ZNF141: variants seen among roughly 807,000 people sequenced by gnomAD.
ZNF141 encodes zinc finger protein 141 (clone pHZ-44).
In ZNF141, 7 loss-of-function variants were observed where a neutral mutation model predicts 11.3. That is an observed-to-expected ratio of 0.62 (90% confidence interval 0.35 to 1.16). The LOEUF (loss-of-function observed/expected upper bound fraction) is 1.16. Among genes scored for constraint, ZNF141 ranks in the 50% most tolerant of loss-of-function variants. ZNF141 has a pLI of 0.02. For synonymous variants in ZNF141, 183 were observed against 190.7 expected (o/e 0.96, Z 0.33); for missense variants, 535 against 554.0 (o/e 0.97, Z 0.34).
intron 3 of ZNF141, among the ~76,000 whole-genome samples, chr4:370,755 A>C (rs1406067809): frequency 5.3e-5 from 8 of 151,852 alleles, no homozygotes; most frequent in African/African-American, 1.9e-4. Context: ...TTTGAAATGA[A>C]AGTCTTGCTC....
intron 3 of ZNF141, among the ~76,000 whole-genome samples, chr4:350,588 C>A (rs782481703): frequency 6.6e-6 from 1 of 152,268 alleles, no homozygotes; most frequent in South Asian, 2.1e-4. Flanking sequence ...TGTCCCCATT[C>A]AAATCTCATG....
chr4:368,762 T>C (rs990939910), intron 3 of ZNF141, among the ~76,000 whole-genome samples: 1 of 152,228 alleles, frequency 6.6e-6, no homozygotes, highest in Non-Finnish European at 1.5e-5. Flanking sequence ...CCAAATTGCT[T>C]TAATTCTTTA....
In ZNF141 at chr4:374,453, C is replaced by A. The variant is rs1049858554; in HGVS notation, c.*591C>A. 5.8e-6 allele frequency: 2 copies of A among 345,316 alleles called. No individual in the cohort carries two copies. Among genetic ancestry groups the A allele is most frequent in the African/African-American group, 4.2e-5 (2 of 47,110 alleles). The allele number at this position is 345,316 out of a possible 1,614,324, so 21.4% of individuals were successfully genotyped here. A position where few individuals can be genotyped will look rare whatever the true frequency, so the allele number is the denominator to read the frequency against. On this transcript the variant is annotated 3_prime_UTR_variant, in exon 4 of 4. Transcript: ENST00000240499. ...AGAGAATTTATACCAGAGAGAAACC[C>A]TACACATGTAAAGAATGTGGCAAAG...
At chr4:366,403 G>A (rs183970627) in intron 3 of ZNF141, among the ~76,000 whole-genome samples, 16 of 152,280 alleles carry the variant, frequency 1.1e-4, no homozygotes, top group Admixed American at 6.5e-4. Flanking sequence ...CTGCCTCCTG[G>A]GTTCAAATGA....
At chr4:362,468 A>AAG (rs1164088359) in intron 3 of ZNF141, among the ~76,000 whole-genome samples, 5 of 152,100 alleles carry the variant, frequency 3.3e-5, no homozygotes, top group Admixed American at 3.3e-4. Flanking sequence ...CTGTGTCCTA[A>AAG]ATGGTATTGC....
Position 337,996 on chromosome 4 carries a change from C to G in ZNF141, c.3+10C>G. ...CAGAAGTGGGGAAATGGTGAGTGTG[C>G]GGGGCAGGGCGTCCCAAGGCTGAGG... On this transcript the variant is annotated intron_variant, in intron 1 of 3. Coordinates refer to ENST00000240499, the MANE Select transcript of ZNF141 (RefSeq NM_003441.4). 1 of 1,612,796 alleles carries G rather than the reference C, an allele frequency of 6.2e-7. No individual in the cohort carries two copies. The highest frequency in any genetic ancestry group is 8.5e-7 in the Non-Finnish European group (1 of 1,179,218).
At chr4:343,582 G>A (rs1721162495) in intron 1 of ZNF141, among the ~76,000 whole-genome samples, 200 bp from the exon 2 acceptor site, 1 of 151,940 alleles carries the variant, frequency 6.6e-6, no homozygotes, top group Non-Finnish European at 1.5e-5. Context: ...AAAATCAGCT[G>A]GGCGTGGTGG....
At position 372,980 on chromosome 4, in the gene ZNF141, G is replaced by A; in HGVS notation, c.543G>A (p.Gln181=). ...KHFKECGKSF[Q]KFSHLTQHKV... ...TTAAAGAATGTGGCAAATCATTTCA[G>A]AAGTTTTCACACCTAACTCAACATA... Residue 181 remains glutamine (Q), a synonymous_variant, in exon 4 of 4, where the codon CAG becomes CAA. Transcript: ENST00000240499. 6.2e-7 allele frequency: 1 copy of A among 1,614,004 alleles called. No homozygotes were observed. The highest frequency in any genetic ancestry group is 8.5e-7 in the Non-Finnish European group (1 of 1,179,954).
chr4:359,951 GAC>G (rs1245635318), intron 3 of ZNF141, among the ~76,000 whole-genome samples: 1 of 152,192 alleles, frequency 6.6e-6, no homozygotes, highest in Non-Finnish European at 1.5e-5. Context: ...TTTCACCTGA[GAC>G]ACAGGACATT....
In ZNF141 at chr4:381,302, G is replaced by C. The variant is rs904078852; in HGVS notation, c.*7440G>C. Among the ~76,000 whole-genome samples the C allele has an allele frequency of 2.0e-5, 3 of 151,110 alleles. No homozygotes were observed. The East Asian group carries it at 5.8e-4, about 29-fold the overall frequency. Reference sequence around the variant, plus strand: ...TTATAAAACTTTAAATTTATCTCTAGGAACCTCAGCCGAGCAGTCAGAACT... The same window carrying C: ...TTATAAAACTTTAAATTTATCTCTACGAACCTCAGCCGAGCAGTCAGAACT... On this transcript the variant is annotated 3_prime_UTR_variant, in exon 4 of 4. Transcript: ENST00000240499.
intron 3 of ZNF141, among the ~76,000 whole-genome samples, chr4:348,160 G>T (rs1029834996): frequency 5.3e-5 from 8 of 152,238 alleles, no homozygotes; most frequent in African/African-American, 1.7e-4. Context: ...TAACTTATCA[G>T]ATATGGCTTG....
rs1198953277 is a variant in ZNF141, at chr4:378,608, A to G, written c.*4746A>G. ...TGAGTGTGAATGTTAAATGGTGGAAAAACAATAGAATGATCTCTGTAGATT... is the reference window on the plus strand; with the variant it reads ...TGAGTGTGAATGTTAAATGGTGGAAGAACAATAGAATGATCTCTGTAGATT... On this transcript the variant is annotated 3_prime_UTR_variant, in exon 4 of 4. Coordinates refer to ENST00000240499, the MANE Select transcript of ZNF141 (RefSeq NM_003441.4). Among the ~76,000 whole-genome samples, 2 of 152,058 alleles carry G rather than the reference A, an allele frequency of 1.3e-5. No individual in the cohort carries two copies. The highest frequency in any genetic ancestry group is 2.9e-5 in the Non-Finnish European group (2 of 67,998).
intron 3 of ZNF141, among the ~76,000 whole-genome samples, chr4:354,598 T>C (rs1317661290): frequency 6.6e-6 from 1 of 152,158 alleles, no homozygotes; most frequent in Non-Finnish European, 1.5e-5. Flanking sequence ...TTGTTTATTA[T>C]GCTAACATTG....
intron 3 of ZNF141, among the ~76,000 whole-genome samples, chr4:353,468 T>TATTA (rs199632444): frequency 4.8e-5 from 7 of 144,752 alleles, no homozygotes; most frequent in African/African-American, 1.8e-4. Flanking sequence ...TTATTATTAT[T>TATTA]TTTTTTTTTT....
In ZNF141 at chr4:344,538, G is replaced by A. The variant is rs782339028; in HGVS notation, c.226+108G>A. On this transcript the variant is annotated intron_variant, in intron 3 of 3. Transcript: ENST00000240499. ...GGGCCGGGTGCAGTGGCTCATGCCT[G>A]TAATCCAAGGACTTTGGGAGGCCGA... 4.7e-6 allele frequency: 4 copies of A among 849,830 alleles called. No homozygotes were observed. In the African/African-American group the frequency reaches 5.2e-5, roughly 11 times the overall value. The allele number at this position is 849,830 out of a possible 1,614,324, so 52.6% of individuals were successfully genotyped here.
chr4:359,122 G>A (rs543867872), intron 3 of ZNF141, among the ~76,000 whole-genome samples: 132 of 152,276 alleles, frequency 8.7e-4, no homozygotes, highest in African/African-American at 3.1e-3. Context: ...GGGCTGATGA[G>A]ATTTTCACTA....
rs1560199810 is a variant in ZNF141 at position 373,698 on chromosome 4, A to G, written c.1261A>G (p.Lys421Glu). 1.2e-6 allele frequency: 2 copies of G among 1,614,172 alleles called. No individual in the cohort carries two copies. Among genetic ancestry groups the G allele is most frequent in the Non-Finnish European group, 1.7e-6 (2 of 1,180,006 alleles). The part of the protein sequence containing the change: ...SQHKKIHSAD[K>E]PYKCKECDKA... ...ACATAAGAAAATTCATAGTGCAGAT[A>G]AACCCTACAAATGTAAAGAATGTGA... is the stretch of plus-strand genomic sequence containing the variant. The change falls in exon 4 of 4, where the codon AAA becomes GAA. Residue 421 changes from lysine (K) to glutamate (E), a missense_variant. Physicochemically the swap from Lys to Glu is moderately conservative, Grantham distance 56. Coordinates refer to ENST00000240499, the MANE Select transcript of ZNF141 (RefSeq NM_003441.4).
At position 378,835 on chromosome 4, in the gene ZNF141, ATTTTTTTTT is replaced by A. The variant is rs570639890; in HGVS notation, c.*4992_*5000del. Reference sequence around the variant, plus strand: ...GTTGAATCCAAACAGTTTCTCAGTGATTTTTTTTTTTTTTTTTTTTTTTTTTTGAGATGG... The same window carrying A: ...GTTGAATCCAAACAGTTTCTCAGTGATTTTTTTTTTTTTTTTTTGAGATGG... On this transcript the variant is annotated 3_prime_UTR_variant, in exon 4 of 4. Transcript: ENST00000240499. Among the ~76,000 whole-genome samples, 19 of 78,626 alleles carry A rather than the reference ATTTTTTTTT, an allele frequency of 2.4e-4. No individual in the cohort carries two copies. Among genetic ancestry groups the A allele is most frequent in the African/African-American group, 9.1e-4 (15 of 16,558 alleles). The allele number at this position is 78,626 out of a possible 152,430, so 51.6% of individuals were successfully genotyped here.
chr4:338,902 G>T (rs1202367896), intron 1 of ZNF141, among the ~76,000 whole-genome samples: 1 of 152,252 alleles, frequency 6.6e-6, no homozygotes, highest in African/African-American at 2.4e-5. Flanking sequence ...GGGAGTCGCA[G>T]GTGTCCGCGG....
Sources: gnomAD v4.1 joint callset for allele counts (sites outside exome capture counted in the v4.1 genomes callset) on GRCh38, gnomAD v4.1.1 for gene constraint, MANE v1.5 for transcripts, NCBI Gene and HGNC (gene_info 2026-07-23, HGNC 2026-07-21) for gene names.